Variants in SNTB1 observed in about 807,000 individuals in gnomAD.
SNTB1 encodes syntrophin beta 1, also known as beta-1-syntrophin.
SNTB1 carries 36 observed loss-of-function variants against 48.9 expected under a neutral mutation model. The ratio of observed to expected loss-of-function variants is 0.74; its 90% CI spans 0.56 to 0.97. The LOEUF (loss-of-function observed/expected upper bound fraction) is 0.97. Among genes scored for constraint, SNTB1 ranks in the 50% least tolerant of loss-of-function variants. The pLI is 0.00. For synonymous variants in SNTB1, 299 were observed against 294.6 expected, an observed-to-expected ratio of 1.01 and a Z score of -0.15; for missense variants, 786 against 703.4, an observed-to-expected ratio of 1.12 and a Z score of -1.33.
At chr8:120,689,829 T>G (rs1354791716) in intron 2 of SNTB1, among the ~76,000 whole-genome samples, 1 of 152,238 alleles carries the variant, frequency 6.6e-6, no homozygotes, top group Admixed American at 6.5e-5. Context: ...GTTGTTTGTA[T>G]TATTTGTACC....
intron 3 of SNTB1, among the ~76,000 whole-genome samples, chr8:120,602,081 CTTTT>C (rs1164078781): frequency 1.3e-5 from 2 of 152,148 alleles, no homozygotes; most frequent in African/African-American, 4.8e-5. Context: ...CTAAAGCAGC[CTTTT>C]TGTTTGTTTT....
At chr8:120,794,079 C>G (rs139283170) in intron 1 of SNTB1, among the ~76,000 whole-genome samples, 160 of 152,076 alleles carry the variant, frequency 1.1e-3, no homozygotes, top group African/African-American at 3.7e-3. Flanking sequence ...CCACATGGCT[C>G]CCTTCCCCTT....
chr8:120,695,893 A>G (rs1244233239), intron 1 of SNTB1, among the ~76,000 whole-genome samples: 1 of 152,240 alleles, frequency 6.6e-6, no homozygotes, highest in African/African-American at 2.4e-5. Flanking sequence ...CACAGGTTGC[A>G]GTTACAGAAG....
chr8:120,569,700 G>A (rs999829881), intron 4 of SNTB1, among the ~76,000 whole-genome samples: 1 of 152,228 alleles, frequency 6.6e-6, no homozygotes, highest in Admixed American at 6.5e-5. Context: ...CTGTCTGATA[G>A]AATTTTGGTG....
At chr8:120,606,337 A>C (rs573608826) in intron 3 of SNTB1, among the ~76,000 whole-genome samples, 6 of 141,446 alleles carry the variant, frequency 4.2e-5, no homozygotes, top group African/African-American at 1.0e-4. Context: ...CTGTATAAAT[A>C]TGATATACTT....
intron 1 of SNTB1, among the ~76,000 whole-genome samples, chr8:120,735,012 G>T (rs1357396398): frequency 6.6e-6 from 1 of 152,162 alleles, no homozygotes; most frequent in African/African-American, 2.4e-5. Flanking sequence ...AATGAGTCAG[G>T]AAAAGCAGTC....
intron 2 of SNTB1, among the ~76,000 whole-genome samples, chr8:120,667,918 A>T (rs897137129): frequency 3.3e-5 from 5 of 152,154 alleles, no homozygotes; most frequent in African/African-American, 1.2e-4. Context: ...GACATTTTCC[A>T]GTCCCACTGG....
At chr8:120,607,175 G>T (rs763057501) in intron 3 of SNTB1, among the ~76,000 whole-genome samples, 1 of 151,954 alleles carries the variant, frequency 6.6e-6, no homozygotes, top group Non-Finnish European at 1.5e-5. Flanking sequence ...AATAGTCAAA[G>T]GTAATAAAAG....
At chr8:120,772,893 C>T (rs1477968201) in intron 1 of SNTB1, among the ~76,000 whole-genome samples, 2 of 151,982 alleles carry the variant, frequency 1.3e-5, no homozygotes, top group East Asian at 1.9e-4. Flanking sequence ...AGAGGCAACC[C>T]GACCAGGTAA....
At chr8:120,792,485 T>C (rs1820053612) in intron 1 of SNTB1, among the ~76,000 whole-genome samples, 1 of 151,996 alleles carries the variant, frequency 6.6e-6, no homozygotes, top group South Asian at 2.1e-4. Flanking sequence ...ACTTTATCCC[T>C]AAAGCTTTTA....
chr8:120,615,858 A>C (rs4871077), intron 3 of SNTB1, among the ~76,000 whole-genome samples: 124,589 of 151,926 alleles, frequency 0.82, 51,975 homozygotes, highest in Middle Eastern at 0.91. Context: ...CTTTCCTACC[A>C]ATTTCTCTCT....
At chr8:120,644,181 C>CT (rs1178063543) in intron 2 of SNTB1, among the ~76,000 whole-genome samples, 1 of 149,654 alleles carries the variant, frequency 6.7e-6, no homozygotes, top group Admixed American at 6.7e-5. Flanking sequence ...TTTAATTATA[C>CT]TTTAAGTTTT....
intron 3 of SNTB1, among the ~76,000 whole-genome samples, chr8:120,584,956 A>G (rs1474004449): frequency 6.6e-6 from 1 of 152,182 alleles, no homozygotes; most frequent in Non-Finnish European, 1.5e-5. Context: ...ACTAGGAGAC[A>G]GGCATGGAAC....
At chr8:120,603,399 C>T (rs141695992) in intron 3 of SNTB1, among the ~76,000 whole-genome samples, 1 of 152,356 alleles carries the variant, frequency 6.6e-6, no homozygotes, top group African/African-American at 2.4e-5. Context: ...CCGCGCCCAG[C>T]TACCCTAGAT....
chr8:120,583,568 G>A (rs1816085372), intron 3 of SNTB1, among the ~76,000 whole-genome samples: 1 of 145,516 alleles, frequency 6.9e-6, no homozygotes, highest in Non-Finnish European at 1.5e-5. Flanking sequence ...CACAAAACTG[G>A]AACAGTACTA....
intron 3 of SNTB1, among the ~76,000 whole-genome samples, chr8:120,612,538 G>C (rs1054178461): frequency 1.3e-5 from 2 of 152,124 alleles, no homozygotes; most frequent in African/African-American, 4.8e-5. Flanking sequence ...GTTTAAGGTA[G>C]AGTCCCCAAA....
intron 3 of SNTB1, among the ~76,000 whole-genome samples, chr8:120,631,697 C>T (rs1250520157): frequency 6.6e-6 from 1 of 152,116 alleles, no homozygotes; most frequent in Admixed American, 6.5e-5. Context: ...GAGTAACTCC[C>T]AAGAGATGGC....
At chr8:120,630,867 A>C (rs976503662) in intron 3 of SNTB1, among the ~76,000 whole-genome samples, 26 of 152,220 alleles carry the variant, frequency 1.7e-4, no homozygotes, top group African/African-American at 6.3e-4. Flanking sequence ...TTCTTCACTG[A>C]GACAACCAGG....
intron 3 of SNTB1, among the ~76,000 whole-genome samples, chr8:120,602,734 TTCTATTTAA>T (rs1229144815): frequency 6.6e-6 from 1 of 151,986 alleles, no homozygotes; most frequent in African/African-American, 2.4e-5. Context: ...ATATTTTCTA[TTCTATTTAA>T]TTAAGAGAAA....
Sources: gnomAD v4.1 joint callset for allele counts (sites outside exome capture counted in the v4.1 genomes callset) on GRCh38, gnomAD v4.1.1 for gene constraint, MANE v1.5 for transcripts, NCBI Gene and HGNC (gene_info 2026-07-23, HGNC 2026-07-21) for gene names.